Variants in STOX2 observed in about 807,000 individuals in gnomAD.
STOX2 encodes the protein storkhead-box protein 2.
In STOX2, 28 loss-of-function variants were observed where a neutral mutation model predicts 60.9. The observed-to-expected ratio is 0.46, with a 90% CI of 0.34 to 0.63. The LOEUF (loss-of-function observed/expected upper bound fraction) is 0.63, where lower values mean the gene tolerates loss of function less well. STOX2 is among the 30% of genes least tolerant of loss of function. The pLI, the probability that STOX2 is intolerant of heterozygous loss-of-function variation, is 0.01. For synonymous variants in STOX2, 472 were observed against 463.9 expected (o/e 1.02, Z -0.22); for missense variants, 1,024 against 1,187.7 (o/e 0.86, Z 2.03).
chr4:183,960,088 T>C (rs773964434), intron 1 of STOX2, among the ~76,000 whole-genome samples: 11 of 152,242 alleles, frequency 7.2e-5, no homozygotes, highest in Non-Finnish European at 1.2e-4. Flanking sequence ...CAAGCCTCCG[T>C]GAGCAGCTGG....
intron 1 of STOX2, among the ~76,000 whole-genome samples, chr4:183,996,197 A>T (rs564229024): frequency 6.6e-6 from 1 of 152,352 alleles, no homozygotes; most frequent in East Asian, 1.9e-4. Flanking sequence ...TCCTCTGAGG[A>T]CTGTACTTAA....
At chr4:183,872,233 T>C (rs1740709657) in intron 1 of STOX2, among the ~76,000 whole-genome samples, 1 of 152,138 alleles carries the variant, frequency 6.6e-6, no homozygotes, top group African/African-American at 2.4e-5. Context: ...TTTTGTAGTT[T>C]TTAGTAGAGA....
At chr4:183,928,928 T>A (rs77603250) in intron 1 of STOX2, among the ~76,000 whole-genome samples, 1,947 of 152,296 alleles carry the variant, frequency 0.013, 33 homozygotes, top group African/African-American at 0.043. Context: ...TGACGATGTC[T>A]GAGAAAGTCA....
chr4:183,846,750 A>G (rs572666095), intron 1 of STOX2, among the ~76,000 whole-genome samples: 2 of 152,112 alleles, frequency 1.3e-5, no homozygotes, highest in East Asian at 3.8e-4. Context: ...AGTAAGTTCA[A>G]TAGCTTCCTC....
chr4:183,966,601 A>C (rs1475978374), intron 1 of STOX2, among the ~76,000 whole-genome samples: 2 of 152,176 alleles, frequency 1.3e-5, no homozygotes, highest in Non-Finnish European at 2.9e-5. Context: ...CTTAACCTTC[A>C]TGAGACCACA....
At chr4:183,882,237 T>A (rs1284138028) in intron 1 of STOX2, among the ~76,000 whole-genome samples, 1 of 152,244 alleles carries the variant, frequency 6.6e-6, no homozygotes, top group Non-Finnish European at 1.5e-5. Flanking sequence ...TGCCATTCCC[T>A]TGATCCCAGT....
chr4:183,906,938 C>T lies in STOX2; in HGVS notation c.148C>T (p.Arg50Trp), dbSNP rs375362675. The T allele has an allele frequency of 1.1e-5, 17 of 1,547,772 alleles. No homozygotes were observed. Among genetic ancestry groups the T allele is most frequent in the African/African-American group, 2.7e-5 (2 of 72,984 alleles). Residue 50 changes from arginine to tryptophan, a missense_variant, in exon 1 of 4, where the codon CGG becomes TGG. Physicochemically the swap from Arg to Trp is moderately radical, Grantham distance 101. Transcript: ENST00000308497. Reference protein sequence around the residue: ...FPAAFAPQASRGYMTSGDVSP... With the variant: ...FPAAFAPQASWGYMTSGDVSP... ...CGCGGCCTTCGCGCCCCAGGCTTCG[C>T]GGGGCTACATGACATCAGGTTGGTT...
chr4:183,966,576 A>T (rs1743576206), intron 1 of STOX2, among the ~76,000 whole-genome samples: 1 of 152,174 alleles, frequency 6.6e-6, no homozygotes, highest in South Asian at 2.1e-4. Context: ...GACTCAGGCT[A>T]CGCCACACAT....
chr4:183,891,139 C>T (rs1452566783), intron 1 of STOX2, among the ~76,000 whole-genome samples: 2 of 151,906 alleles, frequency 1.3e-5, no homozygotes, highest in East Asian at 3.9e-4. Context: ...TCCAATGTGG[C>T]ACAACTTTTT....
intron 1 of STOX2, among the ~76,000 whole-genome samples, chr4:183,859,964 G>C (rs1740393064): frequency 6.6e-6 from 1 of 152,192 alleles, no homozygotes; most frequent in Non-Finnish European, 1.5e-5. Context: ...TTTCCTGGCA[G>C]ATTAGAATGT....
intron 1 of STOX2, among the ~76,000 whole-genome samples, chr4:183,870,096 G>A (rs1040161358): frequency 2.0e-5 from 3 of 152,150 alleles, no homozygotes; most frequent in African/African-American, 4.8e-5. Context: ...CAGTACTTAC[G>A]ATGAAATGAA....
At chr4:183,895,539 T>C (rs115725669) in intron 1 of STOX2, among the ~76,000 whole-genome samples, 2,944 of 152,348 alleles carry the variant, frequency 0.019, 109 homozygotes, top group African/African-American at 0.067. Context: ...ATCTTCGTCT[T>C]CTGCCTTATT....
intron 1 of STOX2, among the ~76,000 whole-genome samples, chr4:183,973,503 A>G (rs1743801841): frequency 6.6e-6 from 1 of 152,208 alleles, no homozygotes; most frequent in Non-Finnish European, 1.5e-5. Flanking sequence ...ACCAGGGAAC[A>G]TATTATTTAT....
At chr4:183,851,408 A>AGAAAGGATGAGG (rs1307387289) in intron 1 of STOX2, among the ~76,000 whole-genome samples, 7 of 72,708 alleles carry the variant, frequency 9.6e-5, no homozygotes, top group African/African-American at 4.2e-4. Flanking sequence ...AGAGGATGAG[A>AGAAAGGATGAGG]GAAAGGATGA....
chr4:183,875,451 C>T (rs1740808057), intron 1 of STOX2, among the ~76,000 whole-genome samples: 1 of 152,170 alleles, frequency 6.6e-6, no homozygotes, highest in Non-Finnish European at 1.5e-5. Flanking sequence ...GTGTTTGCCC[C>T]AGGCGAAGCC....
intron 1 of STOX2, among the ~76,000 whole-genome samples, chr4:183,932,852 A>G (rs1742477708): frequency 6.6e-6 from 1 of 152,224 alleles, no homozygotes. Context: ...CAGCTTTAGA[A>G]CTAAAGAAAT....
chr4:183,820,969 T>C (rs1436701938), intron 1 of STOX2, among the ~76,000 whole-genome samples: 2 of 151,408 alleles, frequency 1.3e-5, no homozygotes, highest in Non-Finnish European at 2.9e-5. Context: ...TAGCCTAGTG[T>C]GGTGGTGAAC....
At chr4:183,837,679 G>C (rs1353949949) in intron 1 of STOX2, among the ~76,000 whole-genome samples, 1 of 151,900 alleles carries the variant, frequency 6.6e-6, no homozygotes, top group South Asian at 2.1e-4. Flanking sequence ...GGCTGGTCTC[G>C]AACTCCTGGC....
intron 1 of STOX2, among the ~76,000 whole-genome samples, chr4:183,990,063 C>T (rs567866408): frequency 3.3e-5 from 5 of 152,322 alleles, no homozygotes; most frequent in Admixed American, 6.5e-5. Context: ...TTTCCTTTCT[C>T]CACTGTCAGA....
Sources: allele counts gnomAD v4.1 joint callset (sites outside exome capture counted in the v4.1 genomes callset), GRCh38; gene constraint gnomAD v4.1.1; transcripts MANE v1.5; gene names NCBI Gene and HGNC (gene_info 2026-07-23, HGNC 2026-07-21).